DPY19L4: variants seen among roughly 807,000 people sequenced by gnomAD.
DPY19L4 encodes probable C-mannosyltransferase DPY19L4.
Under a neutral mutation model 102.8 loss-of-function variants are expected in DPY19L4, and 97 were observed. The observed-to-expected ratio is 0.94, with a 90% CI of 0.80 to 1.12. The LOEUF (loss-of-function observed/expected upper bound fraction) is 1.12. DPY19L4 is among the 50% of genes most tolerant of loss of function. The pLI is 0.00. For synonymous variants in DPY19L4, 252 were observed against 283.1 expected, an observed-to-expected ratio of 0.89 and a Z score of 1.10; for missense variants, 815 against 850.4, an observed-to-expected ratio of 0.96 and a Z score of 0.52.
chr8:94,725,965 C>A (rs1468004563), intron 1 of DPY19L4, among the ~76,000 whole-genome samples: 4 of 152,122 alleles, frequency 2.6e-5, no homozygotes, highest in Admixed American at 6.6e-5. Context: ...AACAGTTAAA[C>A]CATAAATTAT....
chr8:94,758,262 A>G (rs1812252068), intron 7 of DPY19L4, among the ~76,000 whole-genome samples: 1 of 152,150 alleles, frequency 6.6e-6, no homozygotes, highest in Admixed American at 6.5e-5. Context: ...CCCCTCACCC[A>G]GCTTCCCCCA....
intron 12 of DPY19L4, among the ~76,000 whole-genome samples, chr8:94,768,928 G>A (rs941082291): frequency 1.3e-5 from 2 of 150,386 alleles, no homozygotes; most frequent in Admixed American, 6.6e-5. Flanking sequence ...CAGGAGAATC[G>A]CTTGAACCCG....
rs1554594256 is a variant in DPY19L4 at position 94,764,666 on chromosome 8, C to CATGTGT, written c.871-517_871-516insATGTGT. Among the ~76,000 whole-genome samples, 371 of 78,354 alleles carry CATGTGT rather than the reference C, an allele frequency of 4.7e-3. 8 individuals are homozygous for CATGTGT. Among genetic ancestry groups the CATGTGT allele is most frequent in the African/African-American group, 0.019 (348 of 18,402 alleles). The allele number at this position is 78,354 out of a possible 152,430, so 51.4% of individuals were successfully genotyped here. On this transcript the variant is annotated intron_variant, in intron 8 of 18. Transcript: ENST00000414645. ...ATATATATGTATGTATGTATGTATG[C>CATGTGT]GTGTGTGTGTGTGTCTGTGTGTGTA... is the stretch of plus-strand genomic sequence containing the variant.
chr8:94,763,553 C>T (rs1204079827), intron 8 of DPY19L4, among the ~76,000 whole-genome samples: 2 of 150,656 alleles, frequency 1.3e-5, no homozygotes, highest in African/African-American at 2.4e-5. Flanking sequence ...CAGAGTCTTG[C>T]TCTGTCACCC....
In DPY19L4 at chr8:94,790,668, A is replaced by G. The variant is rs1430025696; in HGVS notation, c.*758A>G. On this transcript the variant is annotated 3_prime_UTR_variant, in exon 19 of 19. Coordinates refer to ENST00000414645, the MANE Select transcript of DPY19L4 (RefSeq NM_181787.3). Reference sequence around the variant, plus strand: ...TAACCGTTAACATATATTTTGTTAAATGGACATTTAAAAGAATGTTGTTCA... The same window carrying G: ...TAACCGTTAACATATATTTTGTTAAGTGGACATTTAAAAGAATGTTGTTCA... 6.6e-6 allele frequency: 1 copy of G among 152,060 alleles called. No homozygotes were observed. The highest frequency in any genetic ancestry group is 1.9e-4 in the East Asian group (1 of 5,198). The allele number at this position is 152,060 out of a possible 1,614,324, so 9.4% of individuals were successfully genotyped here.
chr8:94,741,629 A>T (rs1811448141), intron 6 of DPY19L4, among the ~76,000 whole-genome samples: 1 of 152,154 alleles, frequency 6.6e-6, no homozygotes, highest in Non-Finnish European at 1.5e-5. Flanking sequence ...ATGGATTTTT[A>T]TTGATTCAGT....
intron 16 of DPY19L4, among the ~76,000 whole-genome samples, chr8:94,782,515 A>G (rs1813477034): frequency 7.2e-6 from 1 of 139,510 alleles, no homozygotes; most frequent in African/African-American, 3.2e-5. Flanking sequence ...TTTTGTAACC[A>G]GTCTATTCCA....
chr8:94,754,267 A>C (rs1274721301), intron 6 of DPY19L4, among the ~76,000 whole-genome samples: 5 of 152,194 alleles, frequency 3.3e-5, no homozygotes, highest in Admixed American at 3.3e-4. Context: ...CTGTTATATA[A>C]GGAGAAAACT....
chr8:94,779,711 G>A (rs1319930871), intron 14 of DPY19L4, among the ~76,000 whole-genome samples: 1 of 152,110 alleles, frequency 6.6e-6, no homozygotes, highest in East Asian at 1.9e-4. Context: ...AGATCAGTAA[G>A]CCTCACTGCT....
intron 14 of DPY19L4, 34 bp downstream of exon 14, chr8:94,777,820 T>C: frequency 6.3e-7 from 1 of 1,579,166 alleles, no homozygotes. Context: ...TCTCTTCTAA[T>C]TATATAAAAT....
chr8:94,772,930 G>A (rs1812993455), intron 13 of DPY19L4, among the ~76,000 whole-genome samples: 1 of 152,158 alleles, frequency 6.6e-6, no homozygotes, highest in Non-Finnish European at 1.5e-5. Flanking sequence ...CAATATATGA[G>A]GCCAGGCATG....
chr8:94,731,624 A>G (rs562670518), intron 2 of DPY19L4, among the ~76,000 whole-genome samples: 41 of 152,044 alleles, frequency 2.7e-4, no homozygotes, highest in African/African-American at 9.6e-4. Context: ...CATGTTGGCC[A>G]TGGTTGGTCT....
At chr8:94,764,569 C>G (rs1438481182) in intron 8 of DPY19L4, among the ~76,000 whole-genome samples, 2 of 133,078 alleles carry the variant, frequency 1.5e-5, no homozygotes, top group Non-Finnish European at 3.2e-5. Flanking sequence ...GAGCGAGACT[C>G]CGTCTCAAAA....
chr8:94,735,792 G>A (rs184688626), intron 3 of DPY19L4, among the ~76,000 whole-genome samples: 5 of 152,248 alleles, frequency 3.3e-5, no homozygotes, highest in Admixed American at 2.0e-4. Context: ...TTTAAAATCC[G>A]AATCTACAGT....
intron 3 of DPY19L4, 151 bp downstream of exon 3, chr8:94,734,905 C>T (rs1811130966): frequency 9.7e-7 from 1 of 1,032,982 alleles, no homozygotes; most frequent in Non-Finnish European, 1.4e-6. Flanking sequence ...CAGTATCAAC[C>T]TTAAAATACT....
intron 13 of DPY19L4, among the ~76,000 whole-genome samples, chr8:94,774,129 G>A (rs902359785): frequency 6.7e-6 from 1 of 150,204 alleles, no homozygotes; most frequent in Non-Finnish European, 1.5e-5. Flanking sequence ...CTGTGCTCTC[G>A]AACTCCCAGG....
chr8:94,765,153 T>C, intron 8 of DPY19L4, 30 bp from the exon 9 acceptor site: 1 of 1,344,700 alleles, frequency 7.4e-7, no homozygotes, highest in Non-Finnish European at 1.0e-6. Flanking sequence ...ATATAACTTA[T>C]TCTCACTTAT....
Position 94,781,150 on chromosome 8 carries a change from C to T in DPY19L4, c.1699C>T (p.Leu567Phe). The T allele has an allele frequency of 6.3e-7, 1 of 1,583,330 alleles. No individual in the cohort carries two copies. The highest frequency in any genetic ancestry group is 8.6e-7 in the Non-Finnish European group (1 of 1,169,354). The part of the protein sequence containing the change: ...QEFYDPDTVE[L>F]MTWIKRQAPV... Reference sequence around the variant, plus strand: ...ATTCTATGACCCAGATACAGTGGAACTTATGACCTGGATAAAGTAAGGATT... The same window carrying T: ...ATTCTATGACCCAGATACAGTGGAATTTATGACCTGGATAAAGTAAGGATT... The change falls in exon 16 of 19, where the codon CTT becomes TTT. Residue 567 changes from leucine (L) to phenylalanine (F), a missense_variant. Leu to Phe is a conservative substitution (Grantham distance 22, BLOSUM62 0). Transcript: ENST00000414645.
At chr8:94,746,893 T>G (rs1811698435) in intron 6 of DPY19L4, among the ~76,000 whole-genome samples, 2 of 152,272 alleles carry the variant, frequency 1.3e-5, no homozygotes, top group Non-Finnish European at 1.5e-5. Context: ...CTTTCTTTCT[T>G]TTTCTTTCTT....
Sources: allele counts gnomAD v4.1 joint callset (sites outside exome capture counted in the v4.1 genomes callset), GRCh38; gene constraint gnomAD v4.1.1; transcripts MANE v1.5; gene names NCBI Gene and HGNC (gene_info 2026-07-23, HGNC 2026-07-21).